ECPAS: variants seen among roughly 807,000 people sequenced by gnomAD.
ECPAS encodes proteasome adapter and scaffold protein ECM29.
In ECPAS, 70 loss-of-function variants were observed where a neutral mutation model predicts 255.1. The observed-to-expected ratio is 0.27, with a 90% confidence interval of 0.23 to 0.33. The LOEUF (loss-of-function observed/expected upper bound fraction) is 0.33, where lower values mean the gene tolerates loss of function less well. ECPAS is among the 10% of genes least tolerant of loss of function. The probability of loss-of-function intolerance (pLI) is 1.00; values close to 1 mark genes in which losing one functional copy is unlikely to be tolerated. For synonymous variants in ECPAS, 784 were observed against 775.0 expected, an observed-to-expected ratio of 1.01 and a Z score of -0.19; for missense variants, 1,817 against 2,206.4, an observed-to-expected ratio of 0.82 and a Z score of 3.54.
intron 35 of ECPAS, among the ~76,000 whole-genome samples, chr9:111,382,201 T>A (rs1263533091): frequency 6.6e-6 from 1 of 151,896 alleles, no homozygotes; most frequent in East Asian, 1.9e-4. Flanking sequence ...CCCAGTGGAT[T>A]TAGGGGCATC....
rs369975107 is a variant in ECPAS, at chr9:111,384,560, G to C, written c.3643C>G (p.Arg1215Gly). The C allele has an allele frequency of 6.2e-7, 1 of 1,613,540 alleles. No individual in the cohort carries two copies. The highest frequency in any genetic ancestry group is 1.3e-5 in the African/African-American group (1 of 74,968). The change falls in exon 34 of 50, where the codon CGA (arginine) becomes GGA (glycine). Residue 1215 changes from arginine (R) to glycine (G), a missense_variant. Physicochemically the swap from Arg to Gly is moderately radical, Grantham distance 125. Around this residue, in one of 4 missense-constraint regions of ECPAS, gnomAD observed 960 missense variants for 1,179.0 expected, o/e 0.81. Transcript: ENST00000684092. ...RVQDDIKESV[R>G]KAAELALKTL... ...TTCAGAGCTAGTTCTGCCGCTTTTC[G>C]TACAGATTCCTAAAAATGACAAAAG...
intron 2 of ECPAS, among the ~76,000 whole-genome samples, chr9:111,454,114 CCA>C (rs2131977864): frequency 6.6e-6 from 1 of 152,176 alleles, no homozygotes; most frequent in South Asian, 2.1e-4. Context: ...TGAGTTCAAC[CCA>C]CAGTGTTTGC....
Position 111,428,288 on chromosome 9 carries a change from A to C in ECPAS, c.931-127T>G. On this transcript the variant is annotated intron_variant, in intron 9 of 49. Transcript: ENST00000684092. ...TCAAGATCCCTTTACACTCTTAAAA[A>C]TTACTGAACTCTCCAAAGAGCTTCT... 5 of 730,916 alleles carry C rather than the reference A, an allele frequency of 6.8e-6. No individual in the cohort carries two copies. In the South Asian group the frequency reaches 1.0e-4, roughly 15 times the overall value. 45.3% of individuals were successfully genotyped at this position (730,916 alleles called of 1,614,324 possible). A position where few individuals can be genotyped will look rare whatever the true frequency, so the allele number is the denominator to read the frequency against.
At chr9:111,433,025 G>A (rs2098232436) in intron 8 of ECPAS, among the ~76,000 whole-genome samples, 1 of 136,276 alleles carries the variant, frequency 7.3e-6, no homozygotes, top group South Asian at 2.3e-4. Context: ...ACCTATTGCA[G>A]CTATAAACAG....
chr9:111,394,902 A>G (rs2098165435), intron 25 of ECPAS, among the ~76,000 whole-genome samples: 1 of 152,152 alleles, frequency 6.6e-6, no homozygotes, highest in African/African-American at 2.4e-5. Context: ...ACCCTTCAAA[A>G]TAGTTGTTTA....
intron 35 of ECPAS, among the ~76,000 whole-genome samples, chr9:111,379,423 C>T (rs1283138685): frequency 6.6e-6 from 1 of 152,212 alleles, no homozygotes; most frequent in Non-Finnish European, 1.5e-5. Context: ...TGCTACTGAT[C>T]ATCTCAGCTT....
chr9:111,427,241 C>A (rs2098223150), intron 10 of ECPAS, among the ~76,000 whole-genome samples: 1 of 151,064 alleles, frequency 6.6e-6, no homozygotes, highest in Non-Finnish European at 1.5e-5. Flanking sequence ...TAAAAGAATA[C>A]TGCAATAACC....
intron 15 of ECPAS, among the ~76,000 whole-genome samples, chr9:111,420,560 T>C (rs1226919717): frequency 6.6e-6 from 1 of 152,158 alleles, no homozygotes; most frequent in African/African-American, 2.4e-5. Context: ...CTACTTGGAA[T>C]CCCCACCAAT....
chr9:111,372,718 C>T, intron 41 of ECPAS, 98 bp from the exon 42 acceptor site: 1 of 917,094 alleles, frequency 1.1e-6, no homozygotes, highest in Non-Finnish European at 1.6e-6. Flanking sequence ...GCAAAACAAA[C>T]AGGTAAAATC....
chr9:111,484,370 A>G lies in ECPAS; in HGVS notation c.-337T>C. On this transcript the variant is annotated 5_prime_UTR_variant, in exon 1 of 50. Coordinates refer to ENST00000684092, the MANE Select transcript of ECPAS (RefSeq NM_001364929.1). Reference sequence around the variant, plus strand: ...TGGGGAAACACGCCTGTCCAAAGGAAGAGACGTGGACTCAGAAAAGTAGAG... The same window carrying G: ...TGGGGAAACACGCCTGTCCAAAGGAGGAGACGTGGACTCAGAAAAGTAGAG... 1 of 1,611,622 alleles carries G rather than the reference A, an allele frequency of 6.2e-7. No individual in the cohort carries two copies. Among genetic ancestry groups the G allele is most frequent in the Non-Finnish European group, 8.5e-7 (1 of 1,179,352 alleles).
chr9:111,425,462 T>A lies in ECPAS; in HGVS notation c.1171A>T (p.Met391Leu). The A allele has an allele frequency of 6.2e-7, 1 of 1,602,076 alleles. No individual in the cohort carries two copies. The highest frequency in any genetic ancestry group is 8.5e-7 in the Non-Finnish European group (1 of 1,174,854). Residue 391 changes from methionine to leucine, a missense_variant, in exon 12 of 50, where the codon ATG becomes TTG. Met to Leu is a conservative substitution (Grantham distance 15). Transcript: ENST00000684092. ...PEIKIKPLGPMLLNGLTKLIN... is the reference protein window; with the variant it reads ...PEIKIKPLGPLLLNGLTKLIN... ...AGCTTGGTGAGGCCATTCAAAAGCA[T>A]TGGACCTAATGGCTTAATCTTGATT...
chr9:111,399,128 G>GT (rs1214816681), intron 24 of ECPAS, among the ~76,000 whole-genome samples: 1 of 152,056 alleles, frequency 6.6e-6, no homozygotes, highest in Non-Finnish European at 1.5e-5. Flanking sequence ...TTGCATGTCT[G>GT]TATCAAAACA....
Position 111,385,395 on chromosome 9 carries a change from A to T in ECPAS, c.3575T>A (p.Ile1192Asn). The T allele has an allele frequency of 6.3e-7, 1 of 1,583,096 alleles. No individual in the cohort carries two copies. Among genetic ancestry groups the T allele is most frequent in the East Asian group, 2.3e-5 (1 of 44,030 alleles). Residue 1192 changes from isoleucine to asparagine, a missense_variant, in exon 33 of 50, where the codon ATC (isoleucine) becomes AAC (asparagine). Around this residue, in one of 4 missense-constraint regions of ECPAS, gnomAD observed 960 missense variants for 1,179.0 expected, o/e 0.81. Coordinates refer to ENST00000684092, the MANE Select transcript of ECPAS (RefSeq NM_001364929.1). ...DLLRGRPLDD[I>N]IDKLPEIWET... ...CCAAATTTCTGGAAGTTTATCAATG[A>T]TGTCATCTAAGGGTCTTCCTCTCAA...
Position 111,411,167 on chromosome 9 carries a change from T to C in ECPAS, c.2215-25A>G, listed in dbSNP as rs192241396. 3.9e-3 allele frequency: 6,296 copies of C among 1,611,176 alleles called. 17 individuals are homozygous for C. Among genetic ancestry groups the C allele is most frequent in the Non-Finnish European group, 5.0e-3 (5,905 of 1,178,152 alleles). ...TCTGAATTTAGCAAAAACAATAGCA[T>C]ATCTCTGGCTCTCTCTCATATACGC... On this transcript the variant is annotated intron_variant, in intron 21 of 49. Transcript: ENST00000684092.
At chr9:111,442,512 T>G in intron 4 of ECPAS, 88 bp from the exon 5 acceptor site, 1 of 843,322 alleles carries the variant, frequency 1.2e-6, no homozygotes, top group South Asian at 1.6e-5. Flanking sequence ...TAGAGAGTTA[T>G]GGTTACAACA....
chr9:111,416,623 G>T (rs1457643907), intron 17 of ECPAS, among the ~76,000 whole-genome samples: 1 of 152,058 alleles, frequency 6.6e-6, no homozygotes, highest in African/African-American at 2.4e-5. Context: ...GTCATCTCAG[G>T]TCACTGCATG....
At chr9:111,372,192 T>C (rs2098128208) in intron 42 of ECPAS, among the ~76,000 whole-genome samples, 1 of 152,216 alleles carries the variant, frequency 6.6e-6, no homozygotes, top group Non-Finnish European at 1.5e-5. Context: ...TTCTCTCATG[T>C]GGGCAGTGAT....
At chr9:111,426,381 A>C (rs1252225696) in intron 10 of ECPAS, among the ~76,000 whole-genome samples, 2 of 151,960 alleles carry the variant, frequency 1.3e-5, no homozygotes, top group Admixed American at 6.6e-5. Flanking sequence ...AAAAAAAAAA[A>C]AAAACTCTAT....
chr9:111,470,732 GTCCTC>G (rs2098286587), intron 2 of ECPAS, among the ~76,000 whole-genome samples: 1 of 101,256 alleles, frequency 9.9e-6, no homozygotes, highest in African/African-American at 3.6e-5. Flanking sequence ...ACCCCATCAT[GTCCTC>G]TCCTCCCGCC....
Sources: gnomAD v4.1 joint callset for allele counts (sites outside exome capture counted in the v4.1 genomes callset) on GRCh38, gnomAD v4.1.1 for gene constraint, gnomAD v4.1.1 regional missense constraint, MANE v1.5 for transcripts, NCBI Gene and HGNC (gene_info 2026-07-23, HGNC 2026-07-21) for gene names.